RHD: variants seen among roughly 807,000 people sequenced by gnomAD.
RHD encodes the protein Rh blood group D antigen.
Under a neutral mutation model 45.5 loss-of-function variants are expected in RHD, and 16 were observed. The ratio of observed to expected loss-of-function variants is 0.35; its 90% confidence interval spans 0.24 to 0.53. The LOEUF is 0.53. RHD is among the 20% of genes least tolerant of loss of function. The probability of loss-of-function intolerance (pLI) is 0.92; values close to 1 mark genes in which losing one functional copy is unlikely to be tolerated. For missense variants in RHD, 306 were observed against 532.0 expected (o/e 0.58, Z 4.18); for synonymous variants, 131 against 217.5 (o/e 0.60, Z 3.50).
At position 25,291,593 on chromosome 1, in the gene RHD, A is replaced by T. The variant is rs1323633462; in HGVS notation, c.486+802A>T. ...ACAAACCAATGCCTTTAACTACTAC[A>T]GTATAATCCTGTAGGATTGTGCTAT... On this transcript the variant is annotated intron_variant, in intron 3 of 9. Transcript: ENST00000328664. Among the ~76,000 whole-genome samples the T allele has an allele frequency of 2.3e-5, 3 of 133,074 alleles. 1 individual carries two copies. Among genetic ancestry groups the T allele is most frequent in the Admixed American group, 2.2e-4 (3 of 13,712 alleles). The allele number at this position is 133,074 out of a possible 152,430, so 87.3% of individuals were successfully genotyped here. A position where few individuals can be genotyped will look rare whatever the true frequency, so the allele number is the denominator to read the frequency against.
At position 25,329,015 on chromosome 1, in the gene RHD, A is replaced by G. The variant is rs781099507; in HGVS notation, c.*91A>G. On this transcript the variant is annotated 3_prime_UTR_variant, in exon 10 of 10. Coordinates refer to ENST00000328664, the MANE Select transcript of RHD (RefSeq NM_016124.6). Reference sequence around the variant, plus strand: ...CATTTGTACGTGAGAAACGCTCATGACAGCAAAGTCTCCAATGTTCGCGCA... The same window carrying G: ...CATTTGTACGTGAGAAACGCTCATGGCAGCAAAGTCTCCAATGTTCGCGCA... 1.6e-5 allele frequency: 22 copies of G among 1,377,938 alleles called. 1 individual carries two copies. In the African/African-American group the frequency reaches 3.0e-4, roughly 19 times the overall value. The allele number at this position is 1,377,938 out of a possible 1,614,324, so 85.4% of individuals were successfully genotyped here. A position where few individuals can be genotyped will look rare whatever the true frequency, so the allele number is the denominator to read the frequency against.
chr1:25,309,052 C>T lies in RHD; in HGVS notation c.1073+2323C>T, dbSNP rs368386643. Among the ~76,000 whole-genome samples the T allele has an allele frequency of 1.0e-3, 136 of 131,942 alleles. 30 individuals carry two copies. Among genetic ancestry groups the T allele is most frequent in the African/African-American group, 1.3e-3 (50 of 38,182 alleles). 86.6% of individuals were successfully genotyped at this position (131,942 alleles called of 152,430 possible). A position where few individuals can be genotyped will look rare whatever the true frequency, so the allele number is the denominator to read the frequency against. ...ATGGAAAGATGGAGAGAGGATTAAG[C>T]GCAAAGTCACAACACTTAATGGGAA... On this transcript the variant is annotated intron_variant, in intron 7 of 9. Coordinates refer to ENST00000328664, the MANE Select transcript of RHD (RefSeq NM_016124.6).
chr1:25,293,363 T>A lies in RHD; in HGVS notation c.486+2572T>A, dbSNP rs534150216. ...GGGACAGTTCATCTTTTTTTTTTTT[T>A]TATACAACATTTTATTTAAAAAAAT... is the stretch of plus-strand genomic sequence containing the variant. On this transcript the variant is annotated intron_variant, in intron 3 of 9. Transcript: ENST00000328664. Among the ~76,000 whole-genome samples the A allele has an allele frequency of 3.4e-4, 45 of 130,468 alleles. 8 individuals are homozygous for A. Among genetic ancestry groups the A allele is most frequent in the African/African-American group, 7.3e-4 (28 of 38,416 alleles). The allele number at this position is 130,468 out of a possible 152,430, so 85.6% of individuals were successfully genotyped here. A position where few individuals can be genotyped will look rare whatever the true frequency, so the allele number is the denominator to read the frequency against.
chr1:25,289,266 C>A lies in RHD; in HGVS notation c.336-1375C>A, dbSNP rs1642298283. On this transcript the variant is annotated intron_variant, in intron 2 of 9. Coordinates refer to ENST00000328664, the MANE Select transcript of RHD (RefSeq NM_016124.6). The stretch of plus-strand genomic sequence containing the variant: ...CTGGAGTGCAGTGGTGCAGTCTCGG[C>A]CCACTGAAACCTCTGCCTCCCGGGT... Among the ~76,000 whole-genome samples the A allele has an allele frequency of 1.5e-5, 2 of 132,238 alleles. 1 individual carries two copies. The highest frequency in any genetic ancestry group is 1.5e-4 in the Admixed American group (2 of 13,542). 86.8% of individuals were successfully genotyped at this position (132,238 alleles called of 152,430 possible).
intron 2 of RHD, among the ~76,000 whole-genome samples, chr1:25,290,261 A>G (rs1231797698): frequency 2.4e-5 from 3 of 126,424 alleles, no homozygotes; most frequent in African/African-American, 8.2e-5. Context: ...GAGCATCCGA[A>G]TGATGGCAGC....
intron 1 of RHD, among the ~76,000 whole-genome samples, chr1:25,277,753 C>G (rs1460558659): frequency 8.2e-6 from 1 of 121,682 alleles, no homozygotes; most frequent in East Asian, 2.0e-4. Flanking sequence ...TGGCTCACCG[C>G]AACCTCCACC....
chr1:25,293,672 T>C (rs1642704160), intron 3 of RHD, among the ~76,000 whole-genome samples: 1 of 131,370 alleles, frequency 7.6e-6, no homozygotes, highest in South Asian at 2.3e-4. Context: ...ATTTCCCTAG[T>C]ATATGTAACC....
chr1:25,280,658 C>A (rs1571588410), intron 1 of RHD, among the ~76,000 whole-genome samples: 1 of 111,266 alleles, frequency 9.0e-6, no homozygotes, highest in East Asian at 2.2e-4. Context: ...ACCCAGGCTG[C>A]TGGAGTGTAG....
rs1293137094 is a variant in RHD, at chr1:25,281,251, T to G, written c.149-3322T>G. Among the ~76,000 whole-genome samples the G allele has an allele frequency of 4.6e-5, 6 of 129,938 alleles. 1 individual carries two copies. The highest frequency in any genetic ancestry group is 4.4e-4 in the Admixed American group (6 of 13,500). 85.2% of individuals were successfully genotyped at this position (129,938 alleles called of 152,430 possible). On this transcript the variant is annotated intron_variant, in intron 1 of 9. Transcript: ENST00000328664. ...TGCTGAACTACCAGGTTAGATTTTC[T>G]TTCTCCAAGTTGTGGAGCTTTCATA...
intron 2 of RHD, among the ~76,000 whole-genome samples, chr1:25,285,253 G>C (rs1641871891): frequency 7.5e-6 from 1 of 132,962 alleles, no homozygotes; most frequent in South Asian, 2.2e-4. Context: ...TCCTGCCTCA[G>C]CCGCCTGAGT....
chr1:25,281,515 C>T (rs1363840821), intron 1 of RHD, among the ~76,000 whole-genome samples: 4 of 131,980 alleles, frequency 3.0e-5, no homozygotes, highest in African/African-American at 1.0e-4. Context: ...TGAAGTGGGG[C>T]ATGCAGTCTC....
chr1:25,279,446 A>G (rs962003195), intron 1 of RHD, among the ~76,000 whole-genome samples: 3 of 117,322 alleles, frequency 2.6e-5, no homozygotes, highest in Admixed American at 2.5e-4. Context: ...TACGCTATAT[A>G]TGCTGTATAG....
rs753386614 is a variant in RHD, at chr1:25,321,974, C to T, written c.1227+12C>T. The stretch of plus-strand genomic sequence containing the variant: ...AAGTTTTCTGGAAGGTAAGATTTTT[C>T]ACCTATTAACGTGATAGATTTTGAG... On this transcript the variant is annotated intron_variant, in intron 9 of 9. Coordinates refer to ENST00000328664, the MANE Select transcript of RHD (RefSeq NM_016124.6). 74 of 1,217,206 alleles carry T rather than the reference C, an allele frequency of 6.1e-5. 11 individuals are homozygous for T. In the Admixed American group the frequency reaches 1.3e-3, roughly 22 times the overall value. The allele number at this position is 1,217,206 out of a possible 1,614,324, so 75.4% of individuals were successfully genotyped here. A position where few individuals can be genotyped will look rare whatever the true frequency, so the allele number is the denominator to read the frequency against.
chr1:25,290,239 G>A (rs1413803569), intron 2 of RHD, among the ~76,000 whole-genome samples: 1 of 127,926 alleles, frequency 7.8e-6, no homozygotes, highest in African/African-American at 2.7e-5. Context: ...CGGGGGAAGA[G>A]TGCCCTCTGT....
rs557746335 is a variant in RHD, at chr1:25,276,532, T to TAAAAAAAAAAAA, written c.148+3849_148+3860dup. Among the ~76,000 whole-genome samples, 35 of 64,782 alleles carry TAAAAAAAAAAAA rather than the reference T, an allele frequency of 5.4e-4. 2 individuals are homozygous for TAAAAAAAAAAAA. Among genetic ancestry groups the TAAAAAAAAAAAA allele is most frequent in the African/African-American group, 2.4e-3 (33 of 13,862 alleles). The allele number at this position is 64,782 out of a possible 152,430, so 42.5% of individuals were successfully genotyped here. A position where few individuals can be genotyped will look rare whatever the true frequency, so the allele number is the denominator to read the frequency against. ...ACATAGGGAGACCCCCCCCCATCTC[T>TAAAAAAAAAAAA]AAAAAAAAAAAAAAAAAAAAAAACT... is the stretch of plus-strand genomic sequence containing the variant. On this transcript the variant is annotated intron_variant, in intron 1 of 9. Transcript: ENST00000328664.
At chr1:25,306,524 G>A in intron 6 of RHD, 72 bp from the exon 7 acceptor site, 2 of 1,300,436 alleles carry the variant, frequency 1.5e-6, no homozygotes, top group Non-Finnish European at 1.1e-6. Flanking sequence ...GGATACCAAG[G>A]GTGTGTGAAA....
intron 7 of RHD, among the ~76,000 whole-genome samples, chr1:25,315,728 C>T (rs1644405850): frequency 1.5e-5 from 2 of 129,896 alleles, no homozygotes; most frequent in South Asian, 2.4e-4. Context: ...CATCTCCTGA[C>T]CTCATGATCT....
chr1:25,293,714 G>A lies in RHD; in HGVS notation c.486+2923G>A, dbSNP rs185679639. On this transcript the variant is annotated intron_variant, in intron 3 of 9. Coordinates refer to ENST00000328664, the MANE Select transcript of RHD (RefSeq NM_016124.6). ...AGGTGGTATCTACTGACTAGAGAGG[G>A]AAGTTTTTGAAAATTAAACACTGTC... Among the ~76,000 whole-genome samples, 141 of 131,518 alleles carry A rather than the reference G, an allele frequency of 1.1e-3. 18 individuals are homozygous for A. The highest frequency in any genetic ancestry group is 3.4e-3 in the African/African-American group (132 of 38,452). The allele number at this position is 131,518 out of a possible 152,430, so 86.3% of individuals were successfully genotyped here.
chr1:25,284,678 C>T lies in RHD; in HGVS notation c.254C>T (p.Ala85Val), dbSNP rs139501061. The part of the protein sequence containing the change: ...SSVAFNLFML[A>V]LGVQWAILLD... The stretch of plus-strand genomic sequence containing the variant: ...GTGGCCTTCAACCTCTTCATGCTGG[C>T]GCTTGGTGTGCAGTGGGCAATCCTG... The change falls in exon 2 of 10, where the codon GCG (alanine) becomes GTG (valine). Residue 85 changes from alanine (A) to valine (V), a missense_variant. Physicochemically the swap from Ala to Val is moderately conservative, Grantham distance 64. Coordinates refer to ENST00000328664, the MANE Select transcript of RHD (RefSeq NM_016124.6). 45 of 1,388,860 alleles carry T rather than the reference C, an allele frequency of 3.2e-5. 3 individuals carry two copies. In the African/African-American group the frequency reaches 3.7e-4, roughly 11 times the overall value. 86.0% of individuals were successfully genotyped at this position (1,388,860 alleles called of 1,614,324 possible). A position where few individuals can be genotyped will look rare whatever the true frequency, so the allele number is the denominator to read the frequency against.
Sources: allele counts gnomAD v4.1 joint callset (sites outside exome capture counted in the v4.1 genomes callset), GRCh38; gene constraint gnomAD v4.1.1; transcripts MANE v1.5; gene names NCBI Gene and HGNC (gene_info 2026-07-23, HGNC 2026-07-21).